Variants in NELL1 observed in about 807,000 individuals in gnomAD.
The protein encoded by NELL1 is neural EGFL like 1.
NELL1 carries 76 observed loss-of-function variants against 107.4 expected under a neutral mutation model. That is an observed-to-expected ratio of 0.71 (90% CI 0.59 to 0.86). NELL1 has a LOEUF of 0.86. Among genes scored for constraint, NELL1 ranks in the 40% least tolerant of loss-of-function variants. The pLI is 0.00. For missense variants in NELL1, 1,024 were observed against 1,005.5 expected (o/e 1.02, Z -0.25); for synonymous variants, 353 against 341.2 (o/e 1.03, Z -0.38).
At chr11:20,906,893 A>T (rs1452674092) in intron 5 of NELL1, among the ~76,000 whole-genome samples, 1 of 152,102 alleles carries the variant, frequency 6.6e-6, no homozygotes, top group East Asian at 1.9e-4. Flanking sequence ...CATTATACTC[A>T]ATAGTGAAAG....
At chr11:20,762,535 C>A (rs528193749) in intron 2 of NELL1, among the ~76,000 whole-genome samples, 1 of 152,236 alleles carries the variant, frequency 6.6e-6, no homozygotes, top group South Asian at 2.1e-4. Context: ...TTTTAAATCT[C>A]CCCGATAATT....
rs1385555954 is a variant in NELL1 at position 21,135,224 on chromosome 11, T to C, written c.1426+21510T>C. 2.6e-5 allele frequency among the ~76,000 whole-genome samples: 4 copies of C among 152,334 alleles called. No homozygotes were observed. The East Asian group carries it at 7.7e-4, about 29-fold the overall frequency. On this transcript the variant is annotated intron_variant, in intron 13 of 19. Coordinates refer to ENST00000357134, the MANE Select transcript of NELL1 (RefSeq NM_006157.5). ...ATAAGAGCAATCTATTTATAGCTTTTATGACAGCATCCATTTGTGGCTTCC... is the reference window on the plus strand; with the variant it reads ...ATAAGAGCAATCTATTTATAGCTTTCATGACAGCATCCATTTGTGGCTTCC...
intron 5 of NELL1, among the ~76,000 whole-genome samples, chr11:20,906,028 A>G (rs1207813824): frequency 6.6e-6 from 1 of 152,178 alleles, no homozygotes; most frequent in Non-Finnish European, 1.5e-5. Flanking sequence ...GAGAATCTTG[A>G]GAGCAGAAAG....
chr11:21,057,358 G>A (rs571993697), intron 12 of NELL1, among the ~76,000 whole-genome samples: 2 of 151,886 alleles, frequency 1.3e-5, no homozygotes, highest in African/African-American at 4.8e-5. Context: ...CTTTTGGGAA[G>A]TGGATGGGAA....
At chr11:21,488,714 G>A (rs1486062914) in intron 15 of NELL1, among the ~76,000 whole-genome samples, 2 of 151,942 alleles carry the variant, frequency 1.3e-5, no homozygotes, top group Admixed American at 1.3e-4. Flanking sequence ...AATTAAGATG[G>A]AAATCAAAAA....
chr11:20,984,950 C>T (rs1191556882), intron 12 of NELL1, among the ~76,000 whole-genome samples: 1 of 152,100 alleles, frequency 6.6e-6, no homozygotes, highest in East Asian at 1.9e-4. Context: ...TTGGTCTGAC[C>T]AAGTTAGTGG....
intron 15 of NELL1, among the ~76,000 whole-genome samples, chr11:21,500,286 G>A (rs1232879520): frequency 6.6e-6 from 1 of 151,986 alleles, no homozygotes; most frequent in Non-Finnish European, 1.5e-5. Context: ...CATCTGTCAT[G>A]AGAGTTCTTA....
chr11:21,435,467 A>T (rs746847248), intron 15 of NELL1, among the ~76,000 whole-genome samples: 70 of 135,594 alleles, frequency 5.2e-4, no homozygotes, highest in Admixed American at 2.2e-4. Context: ...CCATGAAGAG[A>T]TGTTAGCTTT....
chr11:21,362,911 G>A (rs962930945), intron 14 of NELL1, among the ~76,000 whole-genome samples: 6 of 152,176 alleles, frequency 3.9e-5, no homozygotes, highest in Admixed American at 3.9e-4. Context: ...ATGTTCCAGA[G>A]GGGATCTTGG....
At chr11:20,864,624 C>T (rs6483734) in intron 4 of NELL1, among the ~76,000 whole-genome samples, 1 of 152,046 alleles carries the variant, frequency 6.6e-6, no homozygotes, top group African/African-American at 2.4e-5. Context: ...CCTTCACTTT[C>T]GGAAACCTGG....
intron 2 of NELL1, among the ~76,000 whole-genome samples, chr11:20,730,361 T>C (rs67248692): frequency 0.12 from 18,190 of 152,100 alleles, 1,192 homozygotes; most frequent in Non-Finnish European, 0.15. Flanking sequence ...TTTGTGTGTG[T>C]ATGCATTTTA....
At chr11:21,433,970 C>A (rs1290035645) in intron 15 of NELL1, among the ~76,000 whole-genome samples, 2 of 152,130 alleles carry the variant, frequency 1.3e-5, no homozygotes, top group Non-Finnish European at 2.9e-5. Context: ...CCACCACGCC[C>A]AGCAGGCCAT....
At chr11:21,014,329 T>G (rs2134291588) in intron 12 of NELL1, among the ~76,000 whole-genome samples, 1 of 152,246 alleles carries the variant, frequency 6.6e-6, no homozygotes, top group South Asian at 2.1e-4. Flanking sequence ...GAGCCAAGCT[T>G]GCTTTCTTTT....
In NELL1 at chr11:21,052,022, C is replaced by T. The variant is rs1031348059; in HGVS notation, c.1301-61567C>T. 7.9e-5 allele frequency among the ~76,000 whole-genome samples: 12 copies of T among 152,006 alleles called. 1 individual carries two copies. Among genetic ancestry groups the T allele is most frequent in the South Asian group, 6.2e-4 (3 of 4,828 alleles). On this transcript the variant is annotated intron_variant, in intron 12 of 19. Coordinates refer to ENST00000357134, the MANE Select transcript of NELL1 (RefSeq NM_006157.5). ...GGAAATGCTGGTAGTGGGAAGCGTA[C>T]GATTTTTAGTAGGGTGTTCCTCACT...
chr11:20,674,064 CT>C (rs1853987293), intron 1 of NELL1, among the ~76,000 whole-genome samples: 1 of 152,118 alleles, frequency 6.6e-6, no homozygotes, highest in African/African-American at 2.4e-5. Context: ...TTTTTTGGCT[CT>C]GTTTTTATGA....
At chr11:21,562,237 C>T (rs753097825) in intron 17 of NELL1, among the ~76,000 whole-genome samples, 8 of 151,968 alleles carry the variant, frequency 5.3e-5, no homozygotes, top group Admixed American at 3.9e-4. Context: ...ATCCAAGCAA[C>T]GTATATTGAT....
chr11:21,348,657 A>G (rs1850737407), intron 14 of NELL1, among the ~76,000 whole-genome samples: 1 of 152,174 alleles, frequency 6.6e-6, no homozygotes, highest in Non-Finnish European at 1.5e-5. Flanking sequence ...GCTACATGCT[A>G]AATGCATTTT....
At chr11:20,701,444 C>A (rs1280036907) in intron 2 of NELL1, among the ~76,000 whole-genome samples, 1 of 152,072 alleles carries the variant, frequency 6.6e-6, no homozygotes, top group Non-Finnish European at 1.5e-5. Context: ...AAAATTTTCT[C>A]CCATTCTGTA....
chr11:20,705,047 CG>C (rs1262946382), intron 2 of NELL1, among the ~76,000 whole-genome samples: 1 of 151,816 alleles, frequency 6.6e-6, no homozygotes, highest in Non-Finnish European at 1.5e-5. Flanking sequence ...TCCATGCTCA[CG>C]GGTAGGAAGA....
Sources: allele counts gnomAD v4.1 joint callset (sites outside exome capture counted in the v4.1 genomes callset), GRCh38; gene constraint gnomAD v4.1.1; transcripts MANE v1.5; gene names NCBI Gene and HGNC (gene_info 2026-07-23, HGNC 2026-07-21).